The following ARHGAP42 variants were observed in gnomAD, a reference collection of about 807,000 sequenced individuals.
ARHGAP42 encodes the protein rho GTPase-activating protein 42.
ARHGAP42 carries 63 observed loss-of-function variants against 125.0 expected under a neutral mutation model. The observed-to-expected ratio is 0.50, with a 90% CI of 0.41 to 0.62. The LOEUF is 0.62. Ranked by LOEUF, ARHGAP42 falls within the 20% of genes least tolerant of loss-of-function variation. The probability of loss-of-function intolerance (pLI) is 0.00; values close to 1 mark genes in which losing one functional copy is unlikely to be tolerated. For synonymous variants in ARHGAP42, 339 were observed against 351.0 expected, an observed-to-expected ratio of 0.97 and a Z score of 0.38; for missense variants, 766 against 1,024.2, an observed-to-expected ratio of 0.75 and a Z score of 3.44.
intron 6 of ARHGAP42, among the ~76,000 whole-genome samples, chr11:100,932,623 C>T (rs1375631370): frequency 6.6e-6 from 1 of 152,122 alleles, no homozygotes; most frequent in African/African-American, 2.4e-5. Flanking sequence ...CACCACTTCC[C>T]TGTTTTATGT....
chr11:100,981,435 T>G (rs1011659910), intron 22 of ARHGAP42, among the ~76,000 whole-genome samples: 2 of 152,178 alleles, frequency 1.3e-5, no homozygotes, highest in Non-Finnish European at 2.9e-5. Context: ...CCTGTCTCAT[T>G]TTTGTTTTTT....
intron 1 of ARHGAP42, among the ~76,000 whole-genome samples, chr11:100,733,930 GTTT>G (rs774845588): frequency 2.6e-5 from 3 of 113,336 alleles, no homozygotes; most frequent in Non-Finnish European, 3.7e-5. Flanking sequence ...AAGCAAAGTT[GTTT>G]TTTTTTTTTT....
chr11:100,894,764 G>A (rs1359499008), intron 4 of ARHGAP42, among the ~76,000 whole-genome samples: 1 of 152,156 alleles, frequency 6.6e-6, no homozygotes. Context: ...GAATTTTACT[G>A]TTGAAATCTA....
chr11:100,933,191 C>T lies in ARHGAP42; in HGVS notation c.633C>T (p.Tyr211=). Residue 211 remains tyrosine (Y), a synonymous_variant, in exon 7 of 24, where the codon TAC becomes TAT. Coordinates refer to ENST00000298815, the MANE Select transcript of ARHGAP42 (RefSeq NM_152432.4). Reference sequence around the variant, plus strand: ...TTCTTCAGGGCTTATTTACTTTTTACCATGAGGGATATGAACTTGCCCAGG... The same window carrying T: ...TTCTTCAGGGCTTATTTACTTTTTATCATGAGGGATATGAACTTGCCCAGG... The part of the protein sequence containing the change: ...LSFLQGLFTF[Y]HEGYELAQEF... 4 of 1,550,012 alleles carry T rather than the reference C, an allele frequency of 2.6e-6. No homozygotes were observed. The highest frequency in any genetic ancestry group is 3.5e-6 in the Non-Finnish European group (4 of 1,146,636).
At chr11:100,824,338 C>T (rs1236336469) in intron 3 of ARHGAP42, among the ~76,000 whole-genome samples, 1 of 152,048 alleles carries the variant, frequency 6.6e-6, no homozygotes, top group African/African-American at 2.4e-5. Context: ...TTTAAGGCTG[C>T]CCTCACTGTT....
At chr11:100,714,598 G>A (rs1861622585) in intron 1 of ARHGAP42, among the ~76,000 whole-genome samples, 1 of 152,174 alleles carries the variant, frequency 6.6e-6, no homozygotes, top group African/African-American at 2.4e-5. Context: ...TCTCGGGATA[G>A]TTTTTAGTTC....
intron 4 of ARHGAP42, among the ~76,000 whole-genome samples, chr11:100,898,170 C>T (rs1866415275): frequency 6.6e-6 from 1 of 152,146 alleles, no homozygotes; most frequent in Admixed American, 6.5e-5. Flanking sequence ...TTGAACCAGC[C>T]TTGCATCCCA....
At chr11:100,780,454 C>A (rs1031179161) in intron 2 of ARHGAP42, among the ~76,000 whole-genome samples, 5 of 152,154 alleles carry the variant, frequency 3.3e-5, no homozygotes, top group Non-Finnish European at 7.3e-5. Flanking sequence ...GTATTGGTAA[C>A]CCCAAAAGCA....
At chr11:100,967,308 A>T (rs1452699957) in intron 17 of ARHGAP42, among the ~76,000 whole-genome samples, 3 of 152,164 alleles carry the variant, frequency 2.0e-5, no homozygotes, top group African/African-American at 4.8e-5. Flanking sequence ...GTTTTCTTTG[A>T]TTCTCAACTA....
At chr11:100,745,207 T>C (rs890774296) in intron 1 of ARHGAP42, among the ~76,000 whole-genome samples, 7 of 152,188 alleles carry the variant, frequency 4.6e-5, no homozygotes, top group Admixed American at 4.6e-4. Flanking sequence ...GGCAAAGAAT[T>C]GAACATACTC....
At chr11:100,853,840 G>A (rs17574672) in intron 3 of ARHGAP42, among the ~76,000 whole-genome samples, 21,424 of 151,716 alleles carry the variant, frequency 0.14, 1,925 homozygotes, top group Non-Finnish European at 0.21. Context: ...CAGTTAATAA[G>A]CTTTGACATC....
chr11:100,688,606 A>G (rs1667098148), intron 1 of ARHGAP42, among the ~76,000 whole-genome samples: 2 of 152,184 alleles, frequency 1.3e-5, no homozygotes, highest in African/African-American at 2.4e-5. Flanking sequence ...CTTAGCTTTC[A>G]ATTCCTAAGA....
intron 4 of ARHGAP42, among the ~76,000 whole-genome samples, chr11:100,902,726 A>G (rs1410326858): frequency 6.6e-6 from 1 of 151,968 alleles, no homozygotes; most frequent in Admixed American, 6.6e-5. Context: ...CGCAGGATGT[A>G]TGGTGCAGAG....
chr11:100,924,702 C>A (rs1489040818), intron 6 of ARHGAP42, among the ~76,000 whole-genome samples: 3 of 151,922 alleles, frequency 2.0e-5, no homozygotes, highest in Non-Finnish European at 4.4e-5. Flanking sequence ...ATAAATAATC[C>A]TACACTGTCA....
chr11:100,914,968 A>G (rs1454539254), intron 5 of ARHGAP42, among the ~76,000 whole-genome samples: 2 of 152,134 alleles, frequency 1.3e-5, no homozygotes, highest in Non-Finnish European at 2.9e-5. Context: ...GACAGTATCA[A>G]ATTTCTTTAT....
rs569542455 is a variant in ARHGAP42 at position 100,993,004 on chromosome 11, A to G, written c.*4203A>G. The G allele has an allele frequency of 1.4e-5, 4 of 283,700 alleles. No homozygotes were observed. The highest frequency in any genetic ancestry group is 8.8e-5 in the African/African-American group (4 of 45,330). 17.6% of individuals were successfully genotyped at this position (283,700 alleles called of 1,614,324 possible). A position where few individuals can be genotyped will look rare whatever the true frequency, so the allele number is the denominator to read the frequency against. ...TGCTTACTGAAGAGTCCCAAAAACC[A>G]GAGACCATTTTCATTTACTGCCATC... On this transcript the variant is annotated 3_prime_UTR_variant, in exon 24 of 24. Transcript: ENST00000298815.
chr11:100,862,770 C>G (rs770643838), intron 4 of ARHGAP42, among the ~76,000 whole-genome samples: 76 of 152,058 alleles, frequency 5.0e-4, no homozygotes, highest in Non-Finnish European at 8.4e-4. Flanking sequence ...GTGGCTCATG[C>G]CGGTAATCCT....
At chr11:100,734,047 G>A (rs1400814850) in intron 1 of ARHGAP42, among the ~76,000 whole-genome samples, 3 of 142,602 alleles carry the variant, frequency 2.1e-5, no homozygotes, top group Admixed American at 7.2e-5. Flanking sequence ...CGATTCTCCT[G>A]CCTCAGCCTC....
intron 1 of ARHGAP42, among the ~76,000 whole-genome samples, chr11:100,740,989 T>C (rs1565549865): frequency 6.6e-6 from 1 of 152,188 alleles, no homozygotes; most frequent in Non-Finnish European, 1.5e-5. Flanking sequence ...ACTGTAAGGC[T>C]CCTTTGCAGA....
Sources: gnomAD v4.1 joint callset for allele counts (sites outside exome capture counted in the v4.1 genomes callset) on GRCh38, gnomAD v4.1.1 for gene constraint, MANE v1.5 for transcripts, NCBI Gene and HGNC (gene_info 2026-07-23, HGNC 2026-07-21) for gene names.